TMEM272: variants seen among roughly 807,000 people sequenced by gnomAD.
TMEM272 encodes long intergenic non-protein coding RNA 282.
A neutral mutation model predicts 3.7 loss-of-function variants in TMEM272; 8 were observed. That is an observed-to-expected ratio of 2.17 (90% CI 1.27 to 3.91). The LOEUF is 3.91. Ranked by LOEUF, TMEM272 falls within the 30% of genes most tolerant of loss-of-function variation. The pLI is 0.00. For missense variants in TMEM272, 166 were observed against 91.5 expected, an observed-to-expected ratio of 1.81 and a Z score of -3.32; for synonymous variants, 63 against 39.8, an observed-to-expected ratio of 1.58 and a Z score of -2.20.
At chr13:51,899,973 A>G in the TMEM272 span, among the ~76,000 whole-genome samples, 2 of 152,222 alleles carry the variant, frequency 1.3e-5, no homozygotes, top group Admixed American at 1.3e-4. Flanking sequence ...TTGGACTCCT[A>G]TTACAAACCA....
chr13:51,930,473 G>A, the TMEM272 span: 2 of 152,178 alleles, frequency 1.3e-5, no homozygotes, highest in Non-Finnish European at 2.9e-5. Context: ...CCCAAGGTGA[G>A]TTTGAAAATG....
At chr13:51,865,955 G>A in the TMEM272 span, 1 of 1,614,118 alleles carries the variant, frequency 6.2e-7, no homozygotes, top group African/African-American at 1.3e-5. Context: ...TGCCCTCTGG[G>A]AGGAAGAGAG....
intron 3 of TMEM272, among the ~76,000 whole-genome samples, chr13:51,824,056 A>T (rs2139557914): frequency 6.6e-6 from 1 of 152,358 alleles, no homozygotes; most frequent in African/African-American, 2.4e-5. Flanking sequence ...TTTCAATTCA[A>T]AAGCCAGCTG....
the TMEM272 span, among the ~76,000 whole-genome samples, chr13:51,860,638 CA>C: frequency 7.5e-3 from 793 of 105,874 alleles, 7 homozygotes; most frequent in African/African-American, 0.025. Context: ...AAACATGTCT[CA>C]AAAAAAAAAA....
At chr13:51,826,464 GTTC>G (rs2139562330) in intron 3 of TMEM272, 99 bp downstream of exon 3, 8 of 668,984 alleles carry the variant, frequency 1.2e-5, no homozygotes, top group Non-Finnish European at 2.2e-5. Context: ...GGGCTGGCCA[GTTC>G]TTCTTAAACA....
chr13:51,879,685 A>G, the TMEM272 span, among the ~76,000 whole-genome samples: 1 of 152,224 alleles, frequency 6.6e-6, no homozygotes, highest in Non-Finnish European at 1.5e-5. Flanking sequence ...CACTTCCACC[A>G]GGAATTTCAG....
At chr13:51,837,372 T>C (rs781489060) in intron 2 of TMEM272, among the ~76,000 whole-genome samples, 4 of 152,106 alleles carry the variant, frequency 2.6e-5, no homozygotes, top group Non-Finnish European at 5.9e-5. Flanking sequence ...GCAGTAAACC[T>C]ATGAGTTTTC....
At chr13:51,834,129 T>C (rs1445216369) in intron 2 of TMEM272, among the ~76,000 whole-genome samples, 1 of 152,166 alleles carries the variant, frequency 6.6e-6, no homozygotes, top group East Asian at 1.9e-4. Flanking sequence ...GTGCAGTTTG[T>C]GCAGAGAAGA....
At chr13:51,886,379 A>G in the TMEM272 span, among the ~76,000 whole-genome samples, 120 of 152,234 alleles carry the variant, frequency 7.9e-4, no homozygotes, top group Non-Finnish European at 1.6e-3. Flanking sequence ...AATGCCACAC[A>G]TATAGTAACT....
At chr13:51,851,832 T>A in the TMEM272 span, among the ~76,000 whole-genome samples, 1 of 152,080 alleles carries the variant, frequency 6.6e-6, no homozygotes, top group South Asian at 2.1e-4. Flanking sequence ...CTGTTATATA[T>A]TTTTTTACAG....
the TMEM272 span, chr13:51,909,127 G>C: frequency 5.5e-6 from 8 of 1,450,752 alleles, no homozygotes; most frequent in South Asian, 8.0e-5. Flanking sequence ...AGTGCATAAG[G>C]ATCTTTTTCT....
the TMEM272 span, among the ~76,000 whole-genome samples, chr13:51,871,079 G>C: frequency 6.6e-6 from 1 of 151,562 alleles, no homozygotes; most frequent in African/African-American, 2.4e-5. Flanking sequence ...CCTCCCAGAT[G>C]ACTCCTAGTG....
At chr13:51,817,476 A>C (rs1956043252) in intron 4 of TMEM272, among the ~76,000 whole-genome samples, 1 of 152,178 alleles carries the variant, frequency 6.6e-6, no homozygotes, top group African/African-American at 2.4e-5. Flanking sequence ...ATTTGCACCC[A>C]CACATAATGT....
chr13:51,865,620 G>A, the TMEM272 span: 10 of 1,614,076 alleles, frequency 6.2e-6, no homozygotes, highest in Non-Finnish European at 8.5e-6. Context: ...GCTTTCCGGG[G>A]CCAGATCCTG....
At chr13:51,916,420 G>C in the TMEM272 span, among the ~76,000 whole-genome samples, 121 of 152,312 alleles carry the variant, frequency 7.9e-4, no homozygotes, top group African/African-American at 2.9e-3. Context: ...GATATGTAAA[G>C]GGTTTCTATG....
the TMEM272 span, among the ~76,000 whole-genome samples, chr13:51,884,028 G>A: frequency 1.3e-5 from 2 of 152,208 alleles, no homozygotes; most frequent in Non-Finnish European, 2.9e-5. Flanking sequence ...CACTGGCAAC[G>A]TGGAGGGACT....
the TMEM272 span, among the ~76,000 whole-genome samples, chr13:51,894,940 A>G: frequency 2.0e-4 from 30 of 152,026 alleles, no homozygotes; most frequent in Non-Finnish European, 3.5e-4. Context: ...GTGACAGATC[A>G]TCAGGTGTTA....
the TMEM272 span, chr13:51,933,514 T>C: frequency 6.6e-6 from 1 of 152,228 alleles, no homozygotes; most frequent in Non-Finnish European, 1.5e-5. Flanking sequence ...AAGGGTTCTG[T>C]CAATCACAAC....
At chr13:51,825,823 A>G (rs1956120053) in intron 3 of TMEM272, among the ~76,000 whole-genome samples, 1 of 151,994 alleles carries the variant, frequency 6.6e-6, no homozygotes. Flanking sequence ...TGCCCAGGCT[A>G]GTCTCAAACT....
Sources: allele counts gnomAD v4.1 joint callset (sites outside exome capture counted in the v4.1 genomes callset), GRCh38; gene constraint gnomAD v4.1.1; transcripts MANE v1.5; gene names NCBI Gene and HGNC (gene_info 2026-07-23, HGNC 2026-07-21).